The following MUC7 variants were observed in gnomAD, a reference collection of about 807,000 sequenced individuals.
MUC7 encodes the protein mucin-7.
Under a neutral mutation model 2.5 loss-of-function variants are expected in MUC7, and 2 were observed. The observed-to-expected ratio is 0.81, with a 90% CI of 0.33 to 2.55. MUC7 has a LOEUF of 2.55. MUC7 is among the 30% of genes most tolerant of loss of function. The pLI is 0.11. For missense variants in MUC7, 408 were observed against 455.6 expected (o/e 0.90, Z 0.95); for synonymous variants, 133 against 173.4 (o/e 0.77, Z 1.83).
chr4:70,466,086 T>G (rs1483788134), intron 1 of MUC7, among the ~76,000 whole-genome samples: 2 of 152,184 alleles, frequency 1.3e-5, no homozygotes, highest in African/African-American at 4.8e-5. Flanking sequence ...CAAGCCAGAA[T>G]ATAGTGGGGG....
intron 2 of MUC7, among the ~76,000 whole-genome samples, chr4:70,474,932 T>A (rs1463406812): frequency 3.3e-5 from 5 of 152,148 alleles, no homozygotes; most frequent in African/African-American, 1.2e-4. Flanking sequence ...TAGGATATAT[T>A]TTAGTGATTG....
At chr4:70,436,923 CTGTT>C (rs1259690549) in intron 1 of MUC7, among the ~76,000 whole-genome samples, 1 of 152,230 alleles carries the variant, frequency 6.6e-6, no homozygotes, top group South Asian at 2.1e-4. Flanking sequence ...CTATTTCTTT[CTGTT>C]TGTTAGTTTT....
At chr4:70,455,407 T>C (rs1734387579) in intron 1 of MUC7, among the ~76,000 whole-genome samples, 1 of 152,220 alleles carries the variant, frequency 6.6e-6, no homozygotes, top group Non-Finnish European at 1.5e-5. Context: ...CTAGAATGTA[T>C]TCAAATTCAG....
intron 1 of MUC7, among the ~76,000 whole-genome samples, chr4:70,435,561 C>G (rs535499906): frequency 6.6e-6 from 1 of 152,270 alleles, no homozygotes; most frequent in Admixed American, 6.5e-5. Flanking sequence ...CTTGGTAGAT[C>G]TTCCTCCAAC....
chr4:70,473,443 C>CA (rs60361215), intron 1 of MUC7, among the ~76,000 whole-genome samples: 248 of 126,676 alleles, frequency 2.0e-3, no homozygotes, highest in East Asian at 0.01. Context: ...GACTCTGTCT[C>CA]AAAAAAAAAA....
At chr4:70,461,895 A>G (rs1258340112) in intron 1 of MUC7, among the ~76,000 whole-genome samples, 2 of 152,212 alleles carry the variant, frequency 1.3e-5, no homozygotes, top group African/African-American at 4.8e-5. Flanking sequence ...CTAATACAAA[A>G]GAAATAGGCA....
At chr4:70,480,581 C>T (rs375828341) in intron 2 of MUC7, among the ~76,000 whole-genome samples, 37 of 149,572 alleles carry the variant, frequency 2.5e-4, no homozygotes, top group African/African-American at 8.5e-4. Context: ...TTCATCCCAG[C>T]TATCTAGAGA....
At chr4:70,448,778 G>A (rs565003304) in intron 1 of MUC7, among the ~76,000 whole-genome samples, 39 of 152,078 alleles carry the variant, frequency 2.6e-4, no homozygotes, top group Admixed American at 1.9e-3. Flanking sequence ...TTAATTTTAT[G>A]TGATCCCATT....
intron 1 of MUC7, among the ~76,000 whole-genome samples, chr4:70,465,513 A>G (rs62322556): frequency 0.26 from 40,211 of 152,038 alleles, 5,670 homozygotes; most frequent in East Asian, 0.4. Flanking sequence ...AAAGGTTAGC[A>G]GAATTGCTAA....
intron 1 of MUC7, among the ~76,000 whole-genome samples, chr4:70,463,105 A>T (rs1398624207): frequency 6.6e-6 from 1 of 152,204 alleles, no homozygotes; most frequent in Non-Finnish European, 1.5e-5. Context: ...TAGGAAGTAG[A>T]TTCCATAGAC....
chr4:70,473,719 A>C (rs1348847103), intron 1 of MUC7, among the ~76,000 whole-genome samples: 2 of 152,194 alleles, frequency 1.3e-5, no homozygotes, highest in Non-Finnish European at 2.9e-5. Flanking sequence ...AAACTTCCTA[A>C]GATCCTGCCT....
intron 1 of MUC7, among the ~76,000 whole-genome samples, chr4:70,453,494 C>A (rs1734335157): frequency 6.6e-6 from 1 of 152,206 alleles, no homozygotes; most frequent in African/African-American, 2.4e-5. Flanking sequence ...TGAATGCTGC[C>A]AGGCCTGGGA....
At chr4:70,472,620 G>A (rs1283028108) in intron 1 of MUC7, among the ~76,000 whole-genome samples, 3 of 152,006 alleles carry the variant, frequency 2.0e-5, no homozygotes, top group South Asian at 2.1e-4. Flanking sequence ...ACTTTATTAT[G>A]GATAAGACAT....
intron 1 of MUC7, among the ~76,000 whole-genome samples, chr4:70,437,884 A>T (rs1733893400): frequency 1.3e-5 from 2 of 152,242 alleles, no homozygotes; most frequent in East Asian, 3.9e-4. Flanking sequence ...CTTTTAAAAA[A>T]ATCTATTCTT....
Position 70,482,553 on chromosome 4 carries a change from T to C in MUC7, c.*675T>C, listed in dbSNP as rs781549867. 5.9e-5 allele frequency: 9 copies of C among 152,302 alleles called. No individual in the cohort carries two copies. Among genetic ancestry groups the C allele is most frequent in the Non-Finnish European group, 1.3e-4 (9 of 68,098 alleles). The allele number at this position is 152,302 out of a possible 1,614,324, so 9.4% of individuals were successfully genotyped here. On this transcript the variant is annotated 3_prime_UTR_variant, in exon 3 of 3. Transcript: ENST00000304887. ...CACTATTTTTCTTAGTGTATATAATTGTTTAAACTGCAAGGTTGACATTTA... is the reference window on the plus strand; with the variant it reads ...CACTATTTTTCTTAGTGTATATAATCGTTTAAACTGCAAGGTTGACATTTA...
chr4:70,432,465 T>A (rs985627572), intron 1 of MUC7, among the ~76,000 whole-genome samples: 11 of 152,258 alleles, frequency 7.2e-5, no homozygotes, highest in Admixed American at 2.6e-4. Flanking sequence ...GGTATCTGGT[T>A]GTGGTTTTGA....
intron 1 of MUC7, among the ~76,000 whole-genome samples, chr4:70,451,696 G>T (rs1734285348): frequency 6.6e-6 from 1 of 152,106 alleles, no homozygotes; most frequent in Admixed American, 6.5e-5. Context: ...GTATATTTTT[G>T]AGAACGATCC....
chr4:70,469,161 AT>A (rs1734763082), upstream of MUC7, among the ~76,000 whole-genome samples: 1 of 152,250 alleles, frequency 6.6e-6, no homozygotes, highest in African/African-American at 2.4e-5. Context: ...TGGCAAAAGG[AT>A]TCCCTATGTA....
At chr4:70,468,478 T>C (rs1734737803), upstream of MUC7, among the ~76,000 whole-genome samples, 1 of 152,162 alleles carries the variant, frequency 6.6e-6, no homozygotes, top group African/African-American at 2.4e-5. Flanking sequence ...TTGTCTCTGT[T>C]TGCAGATGAC....
Sources: gnomAD v4.1 joint callset for allele counts (sites outside exome capture counted in the v4.1 genomes callset) on GRCh38, gnomAD v4.1.1 for gene constraint, MANE v1.5 for transcripts, NCBI Gene and HGNC (gene_info 2026-07-23, HGNC 2026-07-21) for gene names.